Variants in NPAS3 observed in about 807,000 individuals in gnomAD.
NPAS3 encodes neuronal PAS domain protein 3.
NPAS3 carries 14 observed loss-of-function variants against 73.1 expected under a neutral mutation model. The observed-to-expected ratio is 0.19, with a 90% confidence interval of 0.13 to 0.30. The LOEUF (loss-of-function observed/expected upper bound fraction) is 0.30. Among genes scored for constraint, NPAS3 ranks in the 10% least tolerant of loss-of-function variants. The pLI is 1.00. For synonymous variants in NPAS3, 620 were observed against 541.5 expected (o/e 1.14, Z -2.01); for missense variants, 1,096 against 1,250.0 (o/e 0.88, Z 1.86).
chr14:33,535,102 G>A (rs1020705708), intron 4 of NPAS3, among the ~76,000 whole-genome samples: 1 of 152,166 alleles, frequency 6.6e-6, no homozygotes, highest in Non-Finnish European at 1.5e-5. Context: ...TGCTGTTTGA[G>A]CCTTTATCAT....
At position 33,723,418 on chromosome 14, in the gene NPAS3, G is replaced by T. The variant is rs79375264; in HGVS notation, c.734-11796G>T. ...GATCATACTAAAAAAATCATTTGTT[G>T]TTTACCTGAAATTCAAATGTAATGG... On this transcript the variant is annotated intron_variant, in intron 6 of 11. Transcript: ENST00000356141. 6.5e-3 allele frequency among the ~76,000 whole-genome samples: 991 copies of T among 152,158 alleles called. 9 individuals carry two copies. The highest frequency in any genetic ancestry group is 0.022 in the African/African-American group (912 of 41,510).
At chr14:33,079,935 T>A (rs1200073722) in intron 2 of NPAS3, among the ~76,000 whole-genome samples, 1 of 151,740 alleles carries the variant, frequency 6.6e-6, no homozygotes, top group Non-Finnish European at 1.5e-5. Flanking sequence ...TTCTTTCAAA[T>A]GTTCAGGCAC....
chr14:33,111,810 C>G (rs1441660320), intron 2 of NPAS3, among the ~76,000 whole-genome samples: 2 of 150,672 alleles, frequency 1.3e-5, no homozygotes, highest in African/African-American at 4.9e-5. Context: ...ATCCCTCCCC[C>G]CTCCCCCTTG....
intron 6 of NPAS3, chr14:33,680,494 G>C: frequency 3.0e-6 from 2 of 666,604 alleles, no homozygotes; most frequent in East Asian, 5.4e-5. Flanking sequence ...TGTGTTTGGT[G>C]GGGTTTTTTG....
chr14:33,218,742 A>C (rs908951649), intron 3 of NPAS3, among the ~76,000 whole-genome samples: 2 of 152,218 alleles, frequency 1.3e-5, no homozygotes, highest in Non-Finnish European at 2.9e-5. Flanking sequence ...TTCAAAGCTT[A>C]AATTTAAATT....
chr14:33,532,764 G>C (rs1428442579), intron 4 of NPAS3, among the ~76,000 whole-genome samples: 1 of 152,032 alleles, frequency 6.6e-6, no homozygotes, highest in Admixed American at 6.6e-5. Context: ...CTTTCCTGTT[G>C]TGTAGTAAAT....
chr14:33,547,394 G>A (rs192087107), intron 4 of NPAS3, among the ~76,000 whole-genome samples: 1 of 152,218 alleles, frequency 6.6e-6, no homozygotes, highest in East Asian at 1.9e-4. Flanking sequence ...ATTTACACTA[G>A]CCAACACAAA....
chr14:33,003,559 G>C (rs377239624), intron 1 of NPAS3, among the ~76,000 whole-genome samples: 63 of 152,164 alleles, frequency 4.1e-4, no homozygotes, highest in African/African-American at 1.5e-3. Context: ...TCTCTGGTAG[G>C]TGTCTAAATG....
At chr14:33,656,565 T>C (rs1405577959) in intron 5 of NPAS3, among the ~76,000 whole-genome samples, 1 of 152,172 alleles carries the variant, frequency 6.6e-6, no homozygotes, top group Non-Finnish European at 1.5e-5. Context: ...ACTGATTTCT[T>C]CTTTTTAAAA....
rs557233519 is a variant in NPAS3 at position 33,684,362 on chromosome 14, A to T, written c.733+7977A>T. On this transcript the variant is annotated intron_variant, in intron 6 of 11. Coordinates refer to ENST00000356141, the Ensembl canonical transcript of NPAS3. ...AGTCTCGCTCTGTCGCCCAGGCTGG[A>T]GTGCAGTGGCACAATCTCGGCTCAC... Among the ~76,000 whole-genome samples, 13 of 151,880 alleles carry T rather than the reference A, an allele frequency of 8.6e-5. No individual in the cohort carries two copies. The South Asian group carries it at 2.7e-3, about 32-fold the overall frequency.
intron 5 of NPAS3, among the ~76,000 whole-genome samples, chr14:33,582,970 G>GTTTTTTTTTTTTGTT (rs2056727614): frequency 1.1e-5 from 1 of 93,304 alleles, no homozygotes; most frequent in African/African-American, 7.8e-5. Context: ...TATTTAAAGG[G>GTTTTTTTTTTTTGTT]TTTTTTTTTT....
At chr14:33,034,973 A>C (rs2040116590) in intron 1 of NPAS3, among the ~76,000 whole-genome samples, 1 of 152,218 alleles carries the variant, frequency 6.6e-6, no homozygotes, top group Non-Finnish European at 1.5e-5. Flanking sequence ...ATAAGAAGTC[A>C]ATTTCATAGA....
intron 6 of NPAS3, among the ~76,000 whole-genome samples, chr14:33,701,805 C>A (rs934968203): frequency 2.0e-5 from 3 of 152,166 alleles, no homozygotes; most frequent in Admixed American, 1.3e-4. Context: ...CCATGAGGTA[C>A]AATTTGTGAT....
chr14:33,307,415 G>A (rs2042796299), intron 3 of NPAS3, among the ~76,000 whole-genome samples: 1 of 151,992 alleles, frequency 6.6e-6, no homozygotes, highest in Admixed American at 6.6e-5. Context: ...GATACTGTTA[G>A]CATTTGCCAT....
intron 1 of NPAS3, among the ~76,000 whole-genome samples, chr14:32,962,809 C>T (rs1188541746): frequency 2.0e-5 from 3 of 150,908 alleles, no homozygotes; most frequent in East Asian, 1.9e-4. Flanking sequence ...GTGATCTGCT[C>T]GCCTTGGCCT....
At chr14:33,145,451 T>G (rs978121303) in intron 2 of NPAS3, among the ~76,000 whole-genome samples, 2 of 152,194 alleles carry the variant, frequency 1.3e-5, no homozygotes, top group African/African-American at 4.8e-5. Flanking sequence ...GTTTTTAAAT[T>G]TCTATAGTGC....
chr14:33,484,918 T>C (rs1352697907), intron 4 of NPAS3, among the ~76,000 whole-genome samples: 1 of 152,100 alleles, frequency 6.6e-6, no homozygotes, highest in African/African-American at 2.4e-5. Context: ...CTTGTTCCCC[T>C]GACGCATCAC....
intron 6 of NPAS3, among the ~76,000 whole-genome samples, chr14:33,731,710 C>T (rs73258978): frequency 0.018 from 2,691 of 152,250 alleles, 96 homozygotes; most frequent in African/African-American, 0.061. Context: ...ATTATGGTGG[C>T]ATTTGCCAAC....
intron 6 of NPAS3, among the ~76,000 whole-genome samples, chr14:33,695,983 C>A (rs2060366325): frequency 6.6e-6 from 1 of 152,074 alleles, no homozygotes; most frequent in African/African-American, 2.4e-5. Context: ...GACTGTATTC[C>A]TCTCGAAGAA....
Sources: gnomAD v4.1 joint callset for allele counts (sites outside exome capture counted in the v4.1 genomes callset) on GRCh38, gnomAD v4.1.1 for gene constraint, MANE v1.5 for transcripts, NCBI Gene and HGNC (gene_info 2026-07-23, HGNC 2026-07-21) for gene names.